VPS13D: variants seen among roughly 807,000 people sequenced by gnomAD.
VPS13D encodes intermembrane lipid transfer protein VPS13D.
Under a neutral mutation model 461.9 loss-of-function variants are expected in VPS13D, and 187 were observed. The ratio of observed to expected loss-of-function variants is 0.40; its 90% CI spans 0.36 to 0.46. The LOEUF is 0.46. VPS13D is among the 20% of genes least tolerant of loss of function. The pLI, the probability that VPS13D is intolerant of heterozygous loss-of-function variation, is 0.60. For synonymous variants in VPS13D, 1,951 were observed against 1,986.3 expected (o/e 0.98, Z 0.47); for missense variants, 4,711 against 5,364.9 (o/e 0.88, Z 3.81).
At chr1:12,242,243 AT>A (rs1434544946) in intron 2 of VPS13D, among the ~76,000 whole-genome samples, 2 of 152,218 alleles carry the variant, frequency 1.3e-5, no homozygotes, top group East Asian at 3.8e-4. Context: ...GATGAAGCGT[AT>A]GGGCTGGTGG....
intron 50 of VPS13D, among the ~76,000 whole-genome samples, chr1:12,358,999 C>T (rs533417354): frequency 4.0e-4 from 61 of 152,266 alleles, no homozygotes; most frequent in Admixed American, 6.5e-4. Flanking sequence ...CTCCTTGAAA[C>T]TGAAGGAGAG....
intron 2 of VPS13D, among the ~76,000 whole-genome samples, chr1:12,237,644 T>A (rs1479494714): frequency 6.9e-6 from 1 of 144,300 alleles, no homozygotes; most frequent in Non-Finnish European, 1.5e-5. Context: ...CATGGTGAGA[T>A]CCCTTCTCTA....
chr1:12,276,478 A>C lies in VPS13D; in HGVS notation c.2890A>C (p.Met964Leu), dbSNP rs369300065. Residue 964 changes from methionine to leucine, a missense_variant, in exon 19 of 70, where the codon ATG becomes CTG. Physicochemically the swap from Met to Leu is conservative, Grantham distance 15. Transcript: ENST00000620676. The surrounding 1 kb of genome is among the most constrained non-coding windows in gnomAD (Gnocchi z 4.5). ...CCTGGCGGAATTTAAAGTGAACTGT[A>C]TGCAGCTTGGTGTTGAGAGCAATGG... is the stretch of plus-strand genomic sequence containing the variant. ...LLLAEFKVNC[M>L]QLGVESNGRY... 1 of 1,614,050 alleles carries C rather than the reference A, an allele frequency of 6.2e-7. No individual in the cohort carries two copies. The highest frequency in any genetic ancestry group is 8.5e-7 in the Non-Finnish European group (1 of 1,180,048).
chr1:12,238,463 T>C (rs1370401421), intron 2 of VPS13D, among the ~76,000 whole-genome samples: 2 of 151,614 alleles, frequency 1.3e-5, no homozygotes, highest in Non-Finnish European at 2.9e-5. Flanking sequence ...ATAATAAAAT[T>C]ACAAAAAAAT....
At chr1:12,425,626 C>T (rs780259231) in intron 65 of VPS13D, among the ~76,000 whole-genome samples, 7 of 150,384 alleles carry the variant, frequency 4.7e-5, no homozygotes, top group African/African-American at 7.4e-5. Context: ...TCCTACATGT[C>T]GAATATGGGC....
intron 21 of VPS13D, among the ~76,000 whole-genome samples, chr1:12,286,887 G>A (rs1641989755): frequency 6.6e-6 from 1 of 152,124 alleles, no homozygotes; most frequent in African/African-American, 2.4e-5. Flanking sequence ...TTGAGACAGG[G>A]TCTTGCCCTA....
In VPS13D at chr1:12,345,500, T is replaced by G; in HGVS notation, c.9012T>G (p.Ser3004=). Residue 3004 remains serine, a synonymous_variant, in exon 43 of 70, where the codon TCT becomes TCG. Coordinates refer to ENST00000620676, the MANE Select transcript of VPS13D (RefSeq NM_015378.4). ...FRYAAPDKNS[S]SSTIGSPSSR... ...ATGCAGCACCAGATAAAAATTCATCTTCCTCTACGGTGTGTGACATTCAGG... is the reference window on the plus strand; with the variant it reads ...ATGCAGCACCAGATAAAAATTCATCGTCCTCTACGGTGTGTGACATTCAGG... The G allele has an allele frequency of 6.2e-7, 1 of 1,613,304 alleles. No homozygotes were observed.
At chr1:12,373,103 T>TTTG (rs1644146336) in intron 54 of VPS13D, among the ~76,000 whole-genome samples, 1 of 138,462 alleles carries the variant, frequency 7.2e-6, no homozygotes, top group Non-Finnish European at 1.5e-5. Flanking sequence ...TGGTTTTTTT[T>TTTG]TTTTTTTTTT....
intron 15 of VPS13D, among the ~76,000 whole-genome samples, chr1:12,268,150 T>G (rs1641328961): frequency 6.6e-6 from 1 of 151,680 alleles, no homozygotes. Flanking sequence ...GGGTTTTGCT[T>G]TGTTGTCCAG....
intron 2 of VPS13D, among the ~76,000 whole-genome samples, chr1:12,235,910 G>A (rs1348420750): frequency 6.6e-6 from 1 of 152,178 alleles, no homozygotes; most frequent in African/African-American, 2.4e-5. Context: ...TGCAGACCAC[G>A]ACCCTGCTAA....
At chr1:12,446,192 G>A (rs1645190336) in intron 65 of VPS13D, among the ~76,000 whole-genome samples, 2 of 152,130 alleles carry the variant, frequency 1.3e-5, no homozygotes, top group Admixed American at 6.5e-5. Flanking sequence ...CAAGGTGGGC[G>A]GATCATGAGG....
Position 12,279,450 on chromosome 1 carries a change from A to G in VPS13D, c.4451-49A>G. ...ATTCTACGTTTAATCAGCAGTAATG[A>G]AGTAAATATTAAGGTTTATGGTCTA... On this transcript the variant is annotated intron_variant, in intron 19 of 69. Transcript: ENST00000620676. The surrounding 1 kb of genome is among the most constrained non-coding windows in gnomAD (Gnocchi z 4.3). 6.6e-7 allele frequency: 1 copy of G among 1,518,638 alleles called. No individual in the cohort carries two copies. Among genetic ancestry groups the G allele is most frequent in the Non-Finnish European group, 8.9e-7 (1 of 1,121,012 alleles). 94.1% of individuals were successfully genotyped at this position (1,518,638 alleles called of 1,614,324 possible).
chr1:12,385,804 C>T (rs1455301424), intron 59 of VPS13D, among the ~76,000 whole-genome samples: 1 of 152,142 alleles, frequency 6.6e-6, no homozygotes, highest in Non-Finnish European at 1.5e-5. Context: ...AATCAAATGC[C>T]TATGTGTAAA....
chr1:12,268,125 T>A (rs1641328017), intron 15 of VPS13D, among the ~76,000 whole-genome samples: 1 of 151,862 alleles, frequency 6.6e-6, no homozygotes, highest in South Asian at 2.1e-4. Flanking sequence ...AATTTTAGTA[T>A]ATTTAGTAGA....
intron 13 of VPS13D, among the ~76,000 whole-genome samples, chr1:12,263,103 T>C (rs142942033): frequency 6.6e-6 from 1 of 152,342 alleles, no homozygotes; most frequent in Non-Finnish European, 1.5e-5. Context: ...TCATGGCCTA[T>C]AGCACTATAC....
At chr1:12,417,324 T>G (rs1441753185) in intron 65 of VPS13D, among the ~76,000 whole-genome samples, 1 of 152,238 alleles carries the variant, frequency 6.6e-6, no homozygotes, top group Non-Finnish European at 1.5e-5. Context: ...TGCAGCTAGT[T>G]GACTGGTTTG....
Position 12,432,814 on chromosome 1 carries a change from C to T in VPS13D, c.12333+15987C>T, listed in dbSNP as rs114445250. 7.5e-3 allele frequency among the ~76,000 whole-genome samples: 1,141 copies of T among 152,174 alleles called. 12 individuals are homozygous for T. Among genetic ancestry groups the T allele is most frequent in the African/African-American group, 0.026 (1,089 of 41,498 alleles). On this transcript the variant is annotated intron_variant, in intron 65 of 69. Transcript: ENST00000620676. ...TTCTCTATGTTGCTCAGGCTGGTCT[C>T]TAACTCCTGGGCTGAAGTGATCCTC...
intron 65 of VPS13D, among the ~76,000 whole-genome samples, chr1:12,428,862 A>G (rs1022757970): frequency 6.6e-6 from 1 of 152,242 alleles, no homozygotes; most frequent in East Asian, 1.9e-4. Context: ...TTTTGTGAGG[A>G]TGTGGAACAG....
In VPS13D at chr1:12,256,471, C is replaced by T; in HGVS notation, c.808C>T (p.Gln270Ter). 6.2e-7 allele frequency: 1 copy of T among 1,614,108 alleles called. No homozygotes were observed. Among genetic ancestry groups the T allele is most frequent in the Non-Finnish European group, 8.5e-7 (1 of 1,180,008 alleles). Residue 270 changes from glutamine to a stop codon, truncating the protein, a stop_gained, in exon 8 of 70, where the codon CAG (glutamine) becomes TAG (stop). Coordinates refer to ENST00000620676, the MANE Select transcript of VPS13D (RefSeq NM_015378.4). LOFTEE classifies it high-confidence loss of function. ...CAGTCCCCGTATTGATTGTGATATTCAGCTGGAGACCATTCCCTTGAAACT... is the reference window on the plus strand; with the variant it reads ...CAGTCCCCGTATTGATTGTGATATTTAGCTGGAGACCATTCCCTTGAAACT... ...RHSPRIDCDI[Q>*]LETIPLKLSQ...
Sources: gnomAD v4.1 joint callset for allele counts (sites outside exome capture counted in the v4.1 genomes callset) on GRCh38, gnomAD v4.1.1 for gene constraint, Gnocchi (gnomAD v3.1) non-coding constraint, MANE v1.5 for transcripts, NCBI Gene and HGNC (gene_info 2026-07-23, HGNC 2026-07-21) for gene names.